Variants in STPG2 observed in about 807,000 individuals in gnomAD.
The protein encoded by STPG2 is sperm tail PG-rich repeat containing 2.
STPG2 carries 56 observed loss-of-function variants against 54.2 expected under a neutral mutation model. The observed-to-expected ratio is 1.03, with a 90% CI of 0.83 to 1.29. The LOEUF is 1.29. Ranked by LOEUF, STPG2 falls within the 50% of genes most tolerant of loss-of-function variation. The probability of loss-of-function intolerance (pLI) is 0.00; values close to 1 mark genes in which losing one functional copy is unlikely to be tolerated. For missense variants in STPG2, 596 were observed against 544.9 expected (o/e 1.09, Z -0.93); for synonymous variants, 200 against 181.8 (o/e 1.10, Z -0.81).
At chr4:97,799,588 C>A (rs558827620) in intron 9 of STPG2, among the ~76,000 whole-genome samples, 1 of 152,170 alleles carries the variant, frequency 6.6e-6, no homozygotes, top group African/African-American at 2.4e-5. Flanking sequence ...GTGGGTAACC[C>A]GACCTTTCTC....
intron 4 of STPG2, among the ~76,000 whole-genome samples, chr4:97,519,436 A>G (rs1731137933): frequency 6.6e-6 from 1 of 152,032 alleles, no homozygotes; most frequent in Admixed American, 6.6e-5. Context: ...AGATCAGTAT[A>G]GGCAAGCCCA....
intron 8 of STPG2, among the ~76,000 whole-genome samples, chr4:97,841,998 T>G (rs1343608082): frequency 6.6e-6 from 1 of 151,870 alleles, no homozygotes; most frequent in Non-Finnish European, 1.5e-5. Flanking sequence ...GGAAGTATTT[T>G]AAAGTTTCAA....
At chr4:98,077,788 T>C (rs11932942) in intron 5 of STPG2, among the ~76,000 whole-genome samples, 60,146 of 151,978 alleles carry the variant, frequency 0.4, 12,152 homozygotes, top group Middle Eastern at 0.46. Context: ...TTCACCAATG[T>C]TAAAATTCCT....
chr4:97,677,091 C>T (rs1334368656), intron 10 of STPG2, among the ~76,000 whole-genome samples: 1 of 152,058 alleles, frequency 6.6e-6, no homozygotes, highest in African/African-American at 2.4e-5. Context: ...AAATTAAAGT[C>T]AATTACTGAA....
chr4:98,016,838 T>C (rs1312458104), intron 5 of STPG2, among the ~76,000 whole-genome samples: 1 of 152,184 alleles, frequency 6.6e-6, no homozygotes, highest in East Asian at 1.9e-4. Context: ...ATAATTGCTG[T>C]CTTTCATTGG....
At chr4:97,892,115 C>T (rs908582566) in intron 8 of STPG2, among the ~76,000 whole-genome samples, 1 of 152,086 alleles carries the variant, frequency 6.6e-6, no homozygotes, top group Non-Finnish European at 1.5e-5. Context: ...CTATTATAAT[C>T]TTTGTGCAAT....
intron 7 of STPG2, among the ~76,000 whole-genome samples, chr4:97,950,068 T>C (rs1222842393): frequency 2.0e-5 from 3 of 152,060 alleles, no homozygotes; most frequent in African/African-American, 7.2e-5. Flanking sequence ...TGTCTTTCAT[T>C]TCCAGAAGTT....
At chr4:97,971,437 T>G (rs1734321912) in intron 7 of STPG2, among the ~76,000 whole-genome samples, 1 of 151,980 alleles carries the variant, frequency 6.6e-6, no homozygotes, top group Non-Finnish European at 1.5e-5. Flanking sequence ...TTTAAGAAAA[T>G]GTGGCACATA....
chr4:98,023,714 T>C (rs926317122), intron 5 of STPG2, among the ~76,000 whole-genome samples: 1 of 152,160 alleles, frequency 6.6e-6, no homozygotes, highest in Non-Finnish European at 1.5e-5. Context: ...TTTGTTTACC[T>C]AAGCAAGCCT....
At chr4:97,503,215 A>G (rs895221784) in intron 4 of STPG2, among the ~76,000 whole-genome samples, 2 of 152,104 alleles carry the variant, frequency 1.3e-5, no homozygotes, top group Middle Eastern at 3.4e-3. Context: ...AATCTCTATA[A>G]GCTAGTTATT....
chr4:97,918,635 T>TA (rs1274541754), intron 8 of STPG2, among the ~76,000 whole-genome samples: 1 of 151,752 alleles, frequency 6.6e-6, no homozygotes, highest in Non-Finnish European at 1.5e-5. Context: ...TACTAAGCCA[T>TA]AAAAAAGGAA....
At chr4:97,708,601 T>A (rs924708873) in intron 10 of STPG2, among the ~76,000 whole-genome samples, 40 of 151,944 alleles carry the variant, frequency 2.6e-4, no homozygotes, top group Admixed American at 2.6e-3. Flanking sequence ...CTATTTATAA[T>A]AATAGAAAAA....
chr4:97,568,017 G>C (rs183938563), intron 10 of STPG2, among the ~76,000 whole-genome samples: 3 of 152,250 alleles, frequency 2.0e-5, no homozygotes, highest in African/African-American at 7.2e-5. Context: ...TTGACTTTTA[G>C]AAGCACAGCA....
chr4:97,444,788 G>C (rs1173229345), intron 4 of STPG2, among the ~76,000 whole-genome samples: 1 of 152,164 alleles, frequency 6.6e-6, no homozygotes, highest in African/African-American at 2.4e-5. Flanking sequence ...CCAGCACTTT[G>C]GGAGGCCGAG....
chr4:97,884,272 C>T (rs1200860060), intron 8 of STPG2, among the ~76,000 whole-genome samples: 1 of 152,046 alleles, frequency 6.6e-6, no homozygotes, highest in Non-Finnish European at 1.5e-5. Flanking sequence ...ACGTGTCTTC[C>T]CAAAATTTTT....
intron 9 of STPG2, among the ~76,000 whole-genome samples, chr4:97,714,178 G>A (rs1038756553): frequency 4.6e-5 from 7 of 152,122 alleles, no homozygotes; most frequent in Non-Finnish European, 1.0e-4. Context: ...TAATAAGCAT[G>A]CAATTCAATC....
intron 10 of STPG2, among the ~76,000 whole-genome samples, chr4:97,588,317 TAC>T (rs1733051460): frequency 6.6e-6 from 1 of 151,934 alleles, no homozygotes; most frequent in African/African-American, 2.4e-5. Context: ...CTGAAAAAAA[TAC>T]ATTATCCAAG....
intron 4 of STPG2, among the ~76,000 whole-genome samples, chr4:97,488,138 C>T (rs1730416792): frequency 6.6e-6 from 1 of 151,412 alleles, no homozygotes; most frequent in Admixed American, 6.6e-5. Context: ...AAGTATGGGC[C>T]TTAATATAAT....
At chr4:97,590,982 G>A (rs1578409615) in intron 10 of STPG2, among the ~76,000 whole-genome samples, 1 of 152,154 alleles carries the variant, frequency 6.6e-6, no homozygotes, top group South Asian at 2.1e-4. Context: ...AAACCAAGAA[G>A]TGAATTCTTC....
Sources: allele counts gnomAD v4.1 joint callset (sites outside exome capture counted in the v4.1 genomes callset), GRCh38; gene constraint gnomAD v4.1.1; transcripts MANE v1.5; gene names NCBI Gene and HGNC (gene_info 2026-07-23, HGNC 2026-07-21).